Variants in UIMC1 observed in about 807,000 individuals in gnomAD.
The protein encoded by UIMC1 is BRCA1-A complex subunit RAP80.
In UIMC1, 42 loss-of-function variants were observed where a neutral mutation model predicts 84.9. The ratio of observed to expected loss-of-function variants is 0.49; its 90% confidence interval spans 0.39 to 0.64. UIMC1 has a LOEUF of 0.64. Among genes scored for constraint, UIMC1 ranks in the 30% least tolerant of loss-of-function variants. UIMC1 has a pLI of 0.00. For missense variants in UIMC1, 825 were observed against 847.6 expected (o/e 0.97, Z 0.33); for synonymous variants, 281 against 293.0 (o/e 0.96, Z 0.42).
intron 10 of UIMC1, among the ~76,000 whole-genome samples, chr5:176,938,065 C>T (rs1763921669): frequency 6.6e-6 from 1 of 151,866 alleles, no homozygotes; most frequent in African/African-American, 2.4e-5. Flanking sequence ...TGGCATGCAC[C>T]TGTGGTCCCA....
At chr5:176,907,967 T>A (rs541722272) in intron 12 of UIMC1, among the ~76,000 whole-genome samples, 1 of 152,354 alleles carries the variant, frequency 6.6e-6, no homozygotes, top group Admixed American at 6.5e-5. Flanking sequence ...ATAATAGGTG[T>A]ATGGTTAAAT....
intron 1 of UIMC1, among the ~76,000 whole-genome samples, chr5:177,022,043 T>A (rs1295154735): frequency 6.6e-6 from 1 of 152,210 alleles, no homozygotes; most frequent in Non-Finnish European, 1.5e-5. Context: ...AGAGGATTCC[T>A]GGAACTGCTG....
chr5:176,955,714 A>C (rs1217614204), intron 8 of UIMC1, among the ~76,000 whole-genome samples: 1 of 152,224 alleles, frequency 6.6e-6, no homozygotes, highest in Non-Finnish European at 1.5e-5. Context: ...TCAAGAAGAC[A>C]AAAAAAGTCA....
At chr5:176,926,471 C>CAAAATT (rs1384015197) in intron 10 of UIMC1, among the ~76,000 whole-genome samples, 6 of 151,886 alleles carry the variant, frequency 4.0e-5, no homozygotes, top group East Asian at 1.9e-4. Flanking sequence ...CCCATCACTA[C>CAAAATT]AAAATTAAAA....
chr5:176,998,551 T>C (rs1330077411), intron 1 of UIMC1, among the ~76,000 whole-genome samples: 1 of 148,558 alleles, frequency 6.7e-6, no homozygotes, highest in Admixed American at 6.8e-5. Flanking sequence ...GCGGATCACC[T>C]AAGGTCAGGA....
At chr5:176,972,077 TA>T (rs1769322111) in intron 3 of UIMC1, among the ~76,000 whole-genome samples, 1 of 151,956 alleles carries the variant, frequency 6.6e-6, no homozygotes, top group Non-Finnish European at 1.5e-5. Flanking sequence ...TACTACTGGG[TA>T]ACCAAGCAAA....
At chr5:176,959,809 A>G (rs1767108542) in intron 6 of UIMC1, among the ~76,000 whole-genome samples, 1 of 152,024 alleles carries the variant, frequency 6.6e-6, no homozygotes, top group African/African-American at 2.4e-5. Flanking sequence ...AGGTGGGCGG[A>G]TCACCTGAGG....
intron 10 of UIMC1, among the ~76,000 whole-genome samples, chr5:176,923,765 G>A (rs1436054018): frequency 6.6e-6 from 1 of 151,180 alleles, no homozygotes; most frequent in African/African-American, 2.4e-5. Context: ...TCAGGAGGCT[G>A]AGGCAAGAGA....
chr5:176,991,604 T>C (rs1169171656), intron 1 of UIMC1, among the ~76,000 whole-genome samples: 1 of 123,710 alleles, frequency 8.1e-6, no homozygotes, highest in Non-Finnish European at 1.6e-5. Flanking sequence ...CATTCAAGCC[T>C]GGGCAACAAG....
chr5:176,978,229 C>T (rs1770452987), intron 2 of UIMC1, among the ~76,000 whole-genome samples: 2 of 151,976 alleles, frequency 1.3e-5, no homozygotes, highest in South Asian at 4.2e-4. Flanking sequence ...AAAAACTAGC[C>T]AGGCGTGGTG....
At chr5:176,930,626 G>A (rs1165433026) in intron 10 of UIMC1, among the ~76,000 whole-genome samples, 1 of 152,202 alleles carries the variant, frequency 6.6e-6, no homozygotes, top group Non-Finnish European at 1.5e-5. Context: ...TAAAGATGCG[G>A]CAAATTAAAT....
At chr5:176,935,392 T>A (rs1361164005) in intron 10 of UIMC1, among the ~76,000 whole-genome samples, 1 of 152,204 alleles carries the variant, frequency 6.6e-6, no homozygotes, top group African/African-American at 2.4e-5. Context: ...TATTTGTATG[T>A]CCCTTAGTAG....
At chr5:176,919,720 T>TC (rs1761462734) in intron 10 of UIMC1, among the ~76,000 whole-genome samples, 1 of 152,222 alleles carries the variant, frequency 6.6e-6, no homozygotes, top group African/African-American at 2.4e-5. Flanking sequence ...TATTCAGTTG[T>TC]CCCAGCACTA....
chr5:176,940,584 A>C (rs182153128), intron 10 of UIMC1, among the ~76,000 whole-genome samples: 31 of 152,322 alleles, frequency 2.0e-4, no homozygotes, highest in Non-Finnish European at 3.8e-4. Context: ...AGCTAAAAAA[A>C]AAACAATCAG....
chr5:176,991,793 G>A (rs758802755), intron 1 of UIMC1, among the ~76,000 whole-genome samples: 23 of 151,982 alleles, frequency 1.5e-4, no homozygotes, highest in Non-Finnish European at 3.2e-4. Flanking sequence ...TTCGCCGGGC[G>A]TGGTGGCAGG....
At chr5:176,944,831 A>G (rs1368080787) in intron 9 of UIMC1, among the ~76,000 whole-genome samples, 1 of 152,236 alleles carries the variant, frequency 6.6e-6, no homozygotes, top group Non-Finnish European at 1.5e-5. Context: ...GACATACTCT[A>G]AAGGCGTAAA....
chr5:176,910,183 T>C (rs531133567), intron 11 of UIMC1, among the ~76,000 whole-genome samples: 12 of 152,362 alleles, frequency 7.9e-5, no homozygotes, highest in African/African-American at 2.9e-4. Flanking sequence ...CCTAGACGAA[T>C]GTCTACATTA....
At chr5:176,979,375 T>C (rs1193968232) in intron 2 of UIMC1, among the ~76,000 whole-genome samples, 1 of 152,054 alleles carries the variant, frequency 6.6e-6, no homozygotes, top group East Asian at 1.9e-4. Flanking sequence ...TCCCAACACT[T>C]TGGGGTGTAT....
intron 6 of UIMC1, among the ~76,000 whole-genome samples, chr5:176,961,071 A>G: frequency 1.5e-5 from 1 of 68,558 alleles, no homozygotes; most frequent in South Asian, 4.9e-4. Flanking sequence ...GGAAGTGAGG[A>G]GTGTCTCTGC....
Sources: allele counts gnomAD v4.1 joint callset (sites outside exome capture counted in the v4.1 genomes callset), GRCh38; gene constraint gnomAD v4.1.1; transcripts MANE v1.5; gene names NCBI Gene and HGNC (gene_info 2026-07-23, HGNC 2026-07-21).